The following TMTC2 variants were observed in gnomAD, a reference collection of about 807,000 sequenced individuals.
TMTC2 encodes transmembrane O-mannosyltransferase targeting cadherins 2, also known as protein O-mannosyl-transferase TMTC2.
In TMTC2, 43 loss-of-function variants were observed where a neutral mutation model predicts 82.4. The observed-to-expected ratio is 0.52, with a 90% confidence interval of 0.41 to 0.67. TMTC2 has a LOEUF of 0.67. Ranked by LOEUF, TMTC2 falls within the 30% of genes least tolerant of loss-of-function variation. The probability of loss-of-function intolerance (pLI) is 0.00; values close to 1 mark genes in which losing one functional copy is unlikely to be tolerated. For synonymous variants in TMTC2, 408 were observed against 381.9 expected (o/e 1.07, Z -0.80); for missense variants, 919 against 1,012.4 (o/e 0.91, Z 1.25).
At chr12:83,043,158 T>G (rs11115560) in intron 9 of TMTC2, among the ~76,000 whole-genome samples, 14,814 of 152,120 alleles carry the variant, frequency 0.097, 1,828 homozygotes, top group African/African-American at 0.28. Flanking sequence ...AAAAAGACAC[T>G]CAGCAAGGCT....
chr12:82,903,527 T>A (rs1874135203), intron 3 of TMTC2, among the ~76,000 whole-genome samples: 1 of 152,192 alleles, frequency 6.6e-6, no homozygotes, highest in African/African-American at 2.4e-5. Context: ...TTCTCCTGCC[T>A]CAGCCTCCCG....
chr12:82,746,462 A>G (rs1875696748), intron 1 of TMTC2, among the ~76,000 whole-genome samples: 2 of 152,274 alleles, frequency 1.3e-5, no homozygotes, highest in Admixed American at 6.5e-5. Context: ...CGTGTGTATA[A>G]TGGGGTACAA....
intron 11 of TMTC2, among the ~76,000 whole-genome samples, chr12:83,119,830 T>C (rs1884891268): frequency 6.6e-6 from 1 of 152,172 alleles, no homozygotes. Context: ...CCAGTGTAAG[T>C]GCATATATGT....
intron 2 of TMTC2, among the ~76,000 whole-genome samples, chr12:82,861,109 A>G (rs910268408): frequency 3.3e-5 from 5 of 152,146 alleles, no homozygotes; most frequent in Admixed American, 1.3e-4. Context: ...GCTCTGTTAA[A>G]ACATAACTTA....
At chr12:82,690,404 T>TA in intron 1 of TMTC2, 1 of 985,322 alleles carries the variant, frequency 1.0e-6, no homozygotes, top group African/African-American at 1.7e-5. Flanking sequence ...CTGACTTGCT[T>TA]AACTAAATCA....
chr12:82,738,054 A>G (rs961775272), intron 1 of TMTC2, among the ~76,000 whole-genome samples: 2 of 152,176 alleles, frequency 1.3e-5, no homozygotes, highest in African/African-American at 4.8e-5. Flanking sequence ...TTGAGTTGCT[A>G]TGGTATTTTT....
At chr12:83,125,942 A>G (rs1885086464) in intron 11 of TMTC2, among the ~76,000 whole-genome samples, 1 of 152,186 alleles carries the variant, frequency 6.6e-6, no homozygotes, top group African/African-American at 2.4e-5. Context: ...TGACCCCACA[A>G]TTCTGTTCCT....
intron 1 of TMTC2, among the ~76,000 whole-genome samples, chr12:82,828,245 A>C (rs1299185926): frequency 3.4e-5 from 3 of 89,178 alleles, no homozygotes; most frequent in Middle Eastern, 0.01. Flanking sequence ...AGGCAGTCTC[A>C]CTCTGTCACC....
chr12:83,128,596 T>C (rs1885166163), intron 11 of TMTC2, among the ~76,000 whole-genome samples: 1 of 152,132 alleles, frequency 6.6e-6, no homozygotes, highest in East Asian at 1.9e-4. Context: ...AGAAATTACC[T>C]TTAGAACAGT....
At chr12:83,039,400 T>C (rs142728867) in intron 9 of TMTC2, among the ~76,000 whole-genome samples, 77 of 152,226 alleles carry the variant, frequency 5.1e-4, no homozygotes, top group Admixed American at 1.0e-3. Context: ...CTATTACATA[T>C]AATATTTCCA....
At chr12:82,834,233 A>G (rs1353088349) in intron 1 of TMTC2, among the ~76,000 whole-genome samples, 2 of 152,206 alleles carry the variant, frequency 1.3e-5, no homozygotes, top group Non-Finnish European at 2.9e-5. Context: ...GATATCATGG[A>G]CGTTCTATAT....
At chr12:82,886,647 A>G (rs1371076153) in intron 2 of TMTC2, among the ~76,000 whole-genome samples, 1 of 152,196 alleles carries the variant, frequency 6.6e-6, no homozygotes, top group Non-Finnish European at 1.5e-5. Context: ...TGCGATACCA[A>G]ACATTATAAA....
intron 7 of TMTC2, among the ~76,000 whole-genome samples, chr12:82,967,603 T>C (rs868858090): frequency 4.6e-5 from 7 of 152,026 alleles, no homozygotes; most frequent in Admixed American, 1.3e-4. Context: ...GTCTGCCTTG[T>C]AGTAAATTGT....
At chr12:82,863,907 G>T (rs1298786762) in intron 2 of TMTC2, among the ~76,000 whole-genome samples, 2 of 152,132 alleles carry the variant, frequency 1.3e-5, no homozygotes, top group Non-Finnish European at 2.9e-5. Flanking sequence ...AGTGGTGAGG[G>T]TTATAAGGGA....
chr12:83,120,146 G>A (rs1033661455), intron 11 of TMTC2, among the ~76,000 whole-genome samples: 2 of 152,178 alleles, frequency 1.3e-5, no homozygotes, highest in Non-Finnish European at 2.9e-5. Context: ...TTAGTATTGA[G>A]ACATGAGGTA....
At chr12:83,016,986 A>G (rs1880707411) in intron 8 of TMTC2, among the ~76,000 whole-genome samples, 1 of 152,200 alleles carries the variant, frequency 6.6e-6, no homozygotes, top group South Asian at 2.1e-4. Flanking sequence ...ATAACCTCCA[A>G]GGAAAAAGTA....
intron 1 of TMTC2, among the ~76,000 whole-genome samples, chr12:82,712,063 T>C (rs1195360700): frequency 6.6e-6 from 1 of 152,146 alleles, no homozygotes; most frequent in Non-Finnish European, 1.5e-5. Context: ...CCCATTTCCT[T>C]TCTGTGCTCC....
At chr12:83,110,065 G>A (rs944006516) in intron 11 of TMTC2, among the ~76,000 whole-genome samples, 3 of 152,094 alleles carry the variant, frequency 2.0e-5, no homozygotes, top group African/African-American at 7.2e-5. Context: ...ATACTCAGCT[G>A]ACGACCTTGC....
intron 11 of TMTC2, among the ~76,000 whole-genome samples, chr12:83,130,144 A>G (rs1885219346): frequency 6.6e-6 from 1 of 152,220 alleles, no homozygotes; most frequent in South Asian, 2.1e-4. Context: ...TCAGGATAGC[A>G]GGAATCTGAA....
Sources: gnomAD v4.1 joint callset for allele counts (sites outside exome capture counted in the v4.1 genomes callset) on GRCh38, gnomAD v4.1.1 for gene constraint, MANE v1.5 for transcripts, NCBI Gene and HGNC (gene_info 2026-07-23, HGNC 2026-07-21) for gene names.